NAV2: variants seen among roughly 807,000 people sequenced by gnomAD.
NAV2 encodes the protein neuron navigator 2, also known as helicase, APC down-regulated 1.
A neutral mutation model predicts 223.2 loss-of-function variants in NAV2; 54 were observed. The ratio of observed to expected loss-of-function variants is 0.24; its 90% CI spans 0.19 to 0.30. The LOEUF (loss-of-function observed/expected upper bound fraction) is 0.30. NAV2 is among the 10% of genes least tolerant of loss of function. NAV2 has a pLI of 1.00. For missense variants in NAV2, 2,806 were observed against 3,147.5 expected (o/e 0.89, Z 2.60); for synonymous variants, 1,279 against 1,239.3 (o/e 1.03, Z -0.67).
chr11:19,821,993 G>A (rs1218019590), intron 1 of NAV2, among the ~76,000 whole-genome samples: 2 of 152,168 alleles, frequency 1.3e-5, no homozygotes, highest in Middle Eastern at 3.2e-3. Context: ...GCCTCTTTGA[G>A]CCTCAGTTTC....
chr11:19,782,829 A>C (rs1456991541), intron 1 of NAV2, among the ~76,000 whole-genome samples: 1 of 152,210 alleles, frequency 6.6e-6, no homozygotes, highest in Admixed American at 6.5e-5. Context: ...GAAGGGTTAG[A>C]ATGAGTTGAC....
chr11:19,441,935 G>A (rs1424614228), intron 1 of NAV2, among the ~76,000 whole-genome samples: 2 of 152,336 alleles, frequency 1.3e-5, no homozygotes, highest in South Asian at 2.1e-4. Flanking sequence ...TTAATAATGA[G>A]CTGTTAAATC....
chr11:19,702,783 A>G (rs1439222959), intron 1 of NAV2, among the ~76,000 whole-genome samples: 1 of 50,710 alleles, frequency 2.0e-5, no homozygotes, highest in Non-Finnish European at 5.7e-5. Flanking sequence ...GTCTCAAAAT[A>G]ATAATAATAA....
intron 3 of NAV2, among the ~76,000 whole-genome samples, chr11:19,855,132 C>G (rs1412429153): frequency 6.6e-6 from 1 of 152,046 alleles, no homozygotes; most frequent in Non-Finnish European, 1.5e-5. Flanking sequence ...TCTACCTTAT[C>G]TAGTGGTGGA....
intron 1 of NAV2, chr11:19,503,218 C>T (rs1292755871): frequency 6.6e-6 from 1 of 152,174 alleles, no homozygotes; most frequent in Non-Finnish European, 1.5e-5. Flanking sequence ...CCTTGCCCCC[C>T]ACACATACAC....
chr11:19,404,642 G>A (rs1849819435), intron 1 of NAV2, among the ~76,000 whole-genome samples: 1 of 152,056 alleles, frequency 6.6e-6, no homozygotes, highest in African/African-American at 2.4e-5. Context: ...AAAATTAATG[G>A]CATCTGTCAT....
intron 32 of NAV2, 36 bp from the exon 33 acceptor site, chr11:20,103,219 C>T (rs765691938): frequency 3.8e-6 from 6 of 1,588,014 alleles, no homozygotes; most frequent in Non-Finnish European, 5.1e-6. Context: ...GTGCATTCAC[C>T]CACTTGTTCT....
chr11:19,530,980 T>C (rs2044011863), intron 1 of NAV2, among the ~76,000 whole-genome samples: 1 of 152,250 alleles, frequency 6.6e-6, no homozygotes, highest in Non-Finnish European at 1.5e-5. Flanking sequence ...CAAATATTTA[T>C]ATATACTTCA....
chr11:19,924,343 A>G (rs954169818), intron 6 of NAV2, among the ~76,000 whole-genome samples: 3 of 152,082 alleles, frequency 2.0e-5, no homozygotes, highest in African/African-American at 7.2e-5. Context: ...CTACCAGCAG[A>G]CAAATGAATT....
chr11:19,585,429 A>G (rs1216965745), intron 1 of NAV2, among the ~76,000 whole-genome samples: 2 of 152,212 alleles, frequency 1.3e-5, no homozygotes, highest in African/African-American at 4.8e-5. Flanking sequence ...TTATGATATT[A>G]GCTGGTTATT....
chr11:19,936,233 T>A (rs10833200), intron 7 of NAV2, among the ~76,000 whole-genome samples: 59,178 of 151,810 alleles, frequency 0.39, 14,137 homozygotes, highest in Non-Finnish European at 0.54. Flanking sequence ...ATAATTCCAA[T>A]AGCATTATTA....
At chr11:19,411,916 A>G (rs542453463) in intron 1 of NAV2, among the ~76,000 whole-genome samples, 72 of 152,226 alleles carry the variant, frequency 4.7e-4, no homozygotes, top group African/African-American at 3.4e-4. Context: ...AAGATTGTAA[A>G]GATGAAGAAA....
chr11:19,777,541 C>A (rs557098027), intron 1 of NAV2: 49 of 455,502 alleles, frequency 1.1e-4, no homozygotes, highest in African/African-American at 8.6e-4. Flanking sequence ...GCAGACCGCA[C>A]CCCCTGGGCG....
intron 1 of NAV2, among the ~76,000 whole-genome samples, chr11:19,363,423 A>T (rs1488797116): frequency 6.6e-6 from 1 of 152,264 alleles, no homozygotes; most frequent in African/African-American, 2.4e-5. Context: ...TATTATCATC[A>T]TCCTCATTTT....
chr11:19,554,855 G>A (rs1053287050), intron 1 of NAV2, among the ~76,000 whole-genome samples: 1 of 151,902 alleles, frequency 6.6e-6, no homozygotes, highest in African/African-American at 2.4e-5. Context: ...GCTGAGGCAG[G>A]AGAATCACTT....
chr11:19,448,398 T>C (rs2133766553), intron 1 of NAV2, among the ~76,000 whole-genome samples: 1 of 152,332 alleles, frequency 6.6e-6, no homozygotes, highest in Non-Finnish European at 1.5e-5. Context: ...AGTGTTACCT[T>C]AGCGCTCTCA....
At position 19,685,891 on chromosome 11, in the gene NAV2, C is replaced by T. The variant is rs1465709788; in HGVS notation, c.76-146593C>T. Among the ~76,000 whole-genome samples the T allele has an allele frequency of 2.6e-5, 4 of 152,166 alleles. No individual in the cohort carries two copies. The East Asian group carries it at 7.7e-4, about 29-fold the overall frequency. ...AGAGGTGCTTTTGGACTTAGACTGA[C>T]TCTCAGGGCTCAGGTATTTTCTAAA... On this transcript the variant is annotated intron_variant, in intron 1 of 37. Transcript: ENST00000360655.
chr11:19,411,524 C>T lies in NAV2; in HGVS notation c.75+60497C>T, dbSNP rs1004827238. On this transcript the variant is annotated intron_variant, in intron 1 of 37. Transcript: ENST00000360655. The stretch of plus-strand genomic sequence containing the variant: ...CTAGCTTTCCTTCATCTGGTTGTGT[C>T]CCATTTATTATTTATCAAGAGGCTG... Among the ~76,000 whole-genome samples, 7 of 152,056 alleles carry T rather than the reference C, an allele frequency of 4.6e-5. No individual in the cohort carries two copies. The South Asian group carries it at 1.5e-3, about 32-fold the overall frequency.
intron 3 of NAV2, among the ~76,000 whole-genome samples, chr11:19,866,518 G>C (rs2062103032): frequency 6.6e-6 from 1 of 152,198 alleles, no homozygotes; most frequent in South Asian, 2.1e-4. Context: ...TTAAAAGAAA[G>C]TCCAGCAGAT....
Sources: allele counts gnomAD v4.1 joint callset (sites outside exome capture counted in the v4.1 genomes callset), GRCh38; gene constraint gnomAD v4.1.1; transcripts MANE v1.5; gene names NCBI Gene and HGNC (gene_info 2026-07-23, HGNC 2026-07-21).